RBM18: variants seen among roughly 807,000 people sequenced by gnomAD.
The protein encoded by RBM18 is RNA binding motif protein 18, also known as probable RNA-binding protein 18.
Under a neutral mutation model 26.4 loss-of-function variants are expected in RBM18, and 18 were observed. The observed-to-expected ratio is 0.68, with a 90% confidence interval of 0.47 to 1.01. The LOEUF is 1.01. Among genes scored for constraint, RBM18 ranks in the 50% least tolerant of loss-of-function variants. RBM18 has a pLI of 0.00. For missense variants in RBM18, 180 were observed against 219.2 expected, an observed-to-expected ratio of 0.82 and a Z score of 1.13; for synonymous variants, 74 against 81.1, an observed-to-expected ratio of 0.91 and a Z score of 0.47.
chr9:122,247,424 A>G (rs1588379711), intron 4 of RBM18, 94 bp downstream of exon 4: 1 of 1,026,378 alleles, frequency 9.7e-7, no homozygotes. Flanking sequence ...TTCAGGTGTG[A>G]AGAGATTGGG....
Position 122,241,927 on chromosome 9 carries a change from CT to C in RBM18, c.529del (p.Arg177GlyfsTer21). ...TGCTGTTCTAGAATATGGAGTAGTC[CT>C]TTTTTTATCTGGTGGCTTAAAGTAG... Reference protein sequence around the residue: ...YSYFKPPDKKRTTPYSRTAWK... With the variant: ...YSYFKPPDKKXTTPYSRTAWK... On this transcript the variant is annotated frameshift_variant, in exon 6 of 6. Coordinates refer to ENST00000417201, the MANE Select transcript of RBM18 (RefSeq NM_033117.4). LOFTEE classifies it high-confidence loss of function. 1 of 1,614,008 alleles carries C rather than the reference CT, an allele frequency of 6.2e-7. No individual in the cohort carries two copies. The highest frequency in any genetic ancestry group is 1.1e-5 in the South Asian group (1 of 91,072).
chr9:122,246,942 C>T (rs1342859161), intron 4 of RBM18, among the ~76,000 whole-genome samples: 2 of 152,028 alleles, frequency 1.3e-5, no homozygotes, highest in African/African-American at 2.4e-5. Flanking sequence ...GCTTTTCTAG[C>T]GCATTCTCCC....
At chr9:122,264,076 C>T in intron 1 of RBM18, among the ~76,000 whole-genome samples, 1 of 152,222 alleles carries the variant, frequency 6.6e-6, no homozygotes, top group Non-Finnish European at 1.5e-5. Context: ...CAGCACAGGA[C>T]CTTGCCAATC....
Position 122,240,674 on chromosome 9 carries a change from C to T in RBM18, c.*1210G>A, listed in dbSNP as rs1831402324. 1 of 152,206 alleles carries T rather than the reference C, an allele frequency of 6.6e-6. No individual in the cohort carries two copies. The highest frequency in any genetic ancestry group is 1.5e-5 in the Non-Finnish European group (1 of 68,030). 9.4% of individuals were successfully genotyped at this position (152,206 alleles called of 1,614,324 possible). On this transcript the variant is annotated 3_prime_UTR_variant, in exon 6 of 6. Transcript: ENST00000417201. ...AAATGACCAAAATGTGCTGAAGAAA[C>T]ACATCCCTAAATCTGTTGGTTGACT...
intron 1 of RBM18, among the ~76,000 whole-genome samples, chr9:122,262,155 C>T (rs1430115874): frequency 6.6e-6 from 1 of 152,134 alleles, no homozygotes; most frequent in African/African-American, 2.4e-5. Context: ...AATACTGTAT[C>T]TAACAACAGT....
intron 2 of RBM18, among the ~76,000 whole-genome samples, chr9:122,254,999 G>C (rs1393710453): frequency 6.6e-6 from 1 of 152,192 alleles, no homozygotes; most frequent in Non-Finnish European, 1.5e-5. Context: ...TTGGAGTAGA[G>C]TGGGGGTAGC....
Position 122,247,519 on chromosome 9 carries a change from T to C in RBM18, c.326A>G (p.Lys109Arg), listed in dbSNP as rs749984013. 4 of 1,613,684 alleles carry C rather than the reference T, an allele frequency of 2.5e-6. No individual in the cohort carries two copies. The highest frequency in any genetic ancestry group is 1.7e-4 in the Middle Eastern group (1 of 6,048). Reference sequence around the variant, plus strand: ...GTCTTTCTAGCCTCTCAGACGTACCTTTACTTGAGCATGTGCCCATCGCAC... The same window carrying C: ...GTCTTTCTAGCCTCTCAGACGTACCCTTACTTGAGCATGTGCCCATCGCAC... ...LVVRWAHAQV[K>R]RYDHNKNDKI... The change falls in exon 4 of 6, where the codon AAG becomes AGG. Residue 109 changes from lysine to arginine, a missense_variant and splice_region_variant. Transcript: ENST00000417201.
chr9:122,242,761 A>G (rs866063002), intron 5 of RBM18, among the ~76,000 whole-genome samples: 1 of 152,068 alleles, frequency 6.6e-6, no homozygotes, highest in South Asian at 2.1e-4. Flanking sequence ...GAGCTCAAGC[A>G]ACCCTACTGC....
Position 122,247,514 on chromosome 9 carries a change from G to T in RBM18, c.327+4C>A, listed in dbSNP as rs778613040. On this transcript the variant is annotated splice_donor_region_variant and intron_variant, in intron 4 of 5. Transcript: ENST00000417201. Reference sequence around the variant, plus strand: ...TTGATGTCTTTCTAGCCTCTCAGACGTACCTTTACTTGAGCATGTGCCCAT... The same window carrying T: ...TTGATGTCTTTCTAGCCTCTCAGACTTACCTTTACTTGAGCATGTGCCCAT... The T allele has an allele frequency of 9.3e-6, 15 of 1,612,806 alleles. No homozygotes were observed. Among genetic ancestry groups the T allele is most frequent in the Non-Finnish European group, 1.2e-5 (14 of 1,179,028 alleles).
At chr9:122,257,812 TAAGA>T (rs971832467) in intron 2 of RBM18, among the ~76,000 whole-genome samples, 2 of 152,120 alleles carry the variant, frequency 1.3e-5, no homozygotes, top group South Asian at 2.1e-4. Context: ...GGGACACATA[TAAGA>T]AAGAGAGAGG....
At chr9:122,254,457 G>T in intron 2 of RBM18, 1 of 183,568 alleles carries the variant, frequency 5.4e-6, no homozygotes, top group Non-Finnish European at 1.0e-5. Flanking sequence ...GAAGGATCTT[G>T]CTTTCACATC....
At chr9:122,256,285 A>C (rs915974321) in intron 2 of RBM18, among the ~76,000 whole-genome samples, 1 of 152,170 alleles carries the variant, frequency 6.6e-6, no homozygotes, top group South Asian at 2.1e-4. Flanking sequence ...AACACATAAC[A>C]ATCTTTCTTA....
In RBM18 at chr9:122,238,853, A is replaced by G. The variant is rs2118942582; in HGVS notation, c.*3031T>C. On this transcript the variant is annotated 3_prime_UTR_variant, in exon 6 of 6. Transcript: ENST00000417201. The stretch of plus-strand genomic sequence containing the variant: ...ATTGTAATAGTCCAGGGAAGAGATG[A>G]TGGTGGCTTTAAGAAAAATGGTGGT... 6.6e-6 allele frequency: 1 copy of G among 152,318 alleles called. No homozygotes were observed. Among genetic ancestry groups the G allele is most frequent in the Non-Finnish European group, 1.5e-5 (1 of 68,046 alleles). 9.4% of individuals were successfully genotyped at this position (152,318 alleles called of 1,614,324 possible).
chr9:122,252,658 T>C (rs1831623199), intron 2 of RBM18, among the ~76,000 whole-genome samples: 1 of 152,246 alleles, frequency 6.6e-6, no homozygotes, highest in Non-Finnish European at 1.5e-5. Context: ...CAGGGGAACC[T>C]GGCCAGTCCT....
chr9:122,246,976 A>G lies in RBM18; in HGVS notation c.327+542T>C, dbSNP rs568625192. ...CCAGGAGACTAATTACAGAATGAAC[A>G]GGGCAGCCTGCTACTTCTCAGGACT... On this transcript the variant is annotated intron_variant, in intron 4 of 5. Coordinates refer to ENST00000417201, the MANE Select transcript of RBM18 (RefSeq NM_033117.4). Among the ~76,000 whole-genome samples, 48 of 152,236 alleles carry G rather than the reference A, an allele frequency of 3.2e-4. 1 individual carries two copies. Among genetic ancestry groups the G allele is most frequent in the African/African-American group, 1.0e-3 (43 of 41,540 alleles).
intron 2 of RBM18, among the ~76,000 whole-genome samples, chr9:122,256,734 C>G (rs2118970675): frequency 6.6e-6 from 1 of 152,280 alleles, no homozygotes; most frequent in South Asian, 2.1e-4. Context: ...CTTCAGTATA[C>G]TAAGCCAACT....
intron 2 of RBM18, among the ~76,000 whole-genome samples, chr9:122,254,080 A>G (rs1831650188): frequency 6.6e-6 from 1 of 151,944 alleles, no homozygotes; most frequent in Non-Finnish European, 1.5e-5. Context: ...AAAAAAAACA[A>G]AAAAGACAAT....
chr9:122,241,151 T>C lies in RBM18; in HGVS notation c.*733A>G, dbSNP rs1373169411. On this transcript the variant is annotated 3_prime_UTR_variant, in exon 6 of 6. Coordinates refer to ENST00000417201, the MANE Select transcript of RBM18 (RefSeq NM_033117.4). ...ATTATAGAAGGCATGGTTATTTAGA[T>C]TTGAAAAAAATGGTTGCTATAGAAT... The C allele has an allele frequency of 2.0e-5, 3 of 152,192 alleles. No individual in the cohort carries two copies. Among genetic ancestry groups the C allele is most frequent in the African/African-American group, 7.2e-5 (3 of 41,454 alleles). 9.4% of individuals were successfully genotyped at this position (152,192 alleles called of 1,614,324 possible). A position where few individuals can be genotyped will look rare whatever the true frequency, so the allele number is the denominator to read the frequency against.
chr9:122,243,563 G>C (rs1041899553), intron 5 of RBM18, among the ~76,000 whole-genome samples: 1 of 152,192 alleles, frequency 6.6e-6, no homozygotes, highest in Non-Finnish European at 1.5e-5. Flanking sequence ...AGCACTCAGG[G>C]AGTAGGTATT....
Sources: gnomAD v4.1 joint callset for allele counts (sites outside exome capture counted in the v4.1 genomes callset) on GRCh38, gnomAD v4.1.1 for gene constraint, MANE v1.5 for transcripts, NCBI Gene and HGNC (gene_info 2026-07-23, HGNC 2026-07-21) for gene names.